UNC45A: variants seen among roughly 807,000 people sequenced by gnomAD.
UNC45A encodes the protein protein unc-45 homolog A.
A neutral mutation model predicts 103.2 loss-of-function variants in UNC45A; 78 were observed. The ratio of observed to expected loss-of-function variants is 0.76; its 90% CI spans 0.63 to 0.91. The LOEUF is 0.91. UNC45A is among the 40% of genes least tolerant of loss of function. The probability of loss-of-function intolerance (pLI) is 0.00; values close to 1 mark genes in which losing one functional copy is unlikely to be tolerated. For missense variants in UNC45A, 1,193 were observed against 1,224.8 expected, an observed-to-expected ratio of 0.97 and a Z score of 0.39; for synonymous variants, 495 against 504.6, an observed-to-expected ratio of 0.98 and a Z score of 0.25.
chr15:90,947,171 A>G, intron 10 of UNC45A: 1 of 497,968 alleles, frequency 2.0e-6, no homozygotes, highest in Non-Finnish European at 3.6e-6. Flanking sequence ...TGGGCAACAC[A>G]GCAAGACCCT....
rs1369240067 is a variant in UNC45A at position 90,950,553 on chromosome 15, C to T, written c.2241C>T (p.Gly747=). ...CCCTGTTGCACCTCAACTGCTCAGG[C>T]CTGCAGAACTTCGAGGCGCTCATGG... ...LVSLLHLNCS[G]LQNFEALMAL... The change falls in exon 17 of 20, where the codon GGC becomes GGT. Residue 747 remains glycine (G), a synonymous_variant. Transcript: ENST00000418476. The T allele has an allele frequency of 1.2e-6, 2 of 1,614,198 alleles. No homozygotes were observed. Among genetic ancestry groups the T allele is most frequent in the Non-Finnish European group, 1.7e-6 (2 of 1,180,028 alleles).
chr15:90,936,043 G>T, intron 3 of UNC45A, 61 bp downstream of exon 3: 2 of 1,607,410 alleles, frequency 1.2e-6, no homozygotes, highest in Non-Finnish European at 1.7e-6. Context: ...CAAGGACTCT[G>T]GGACCGCTGC....
chr15:90,932,056 T>C (rs1212362100), upstream of UNC45A: 3 of 1,613,332 alleles, frequency 1.9e-6, no homozygotes, highest in Non-Finnish European at 2.5e-6. Context: ...GAAAGTTACC[T>C]GTAACACCAC....
At chr15:90,942,826 T>C in intron 7 of UNC45A, 86 bp from the exon 8 acceptor site, 2 of 1,527,258 alleles carry the variant, frequency 1.3e-6, no homozygotes, top group Non-Finnish European at 1.8e-6. Context: ...CCCTTCCCTG[T>C]GTCTCCCTGG....
At chr15:90,950,349 C>A in intron 16 of UNC45A, 82 bp downstream of exon 16, 1 of 1,500,244 alleles carries the variant, frequency 6.7e-7, no homozygotes, top group South Asian at 1.2e-5. Context: ...CCTTTGGGAC[C>A]AGCAGGAAGT....
At position 90,953,574 on chromosome 15, in the gene UNC45A, G is replaced by A. The variant is rs753030599; in HGVS notation, c.2693G>A (p.Ser898Asn). 1.2e-6 allele frequency: 2 copies of A among 1,614,180 alleles called. No homozygotes were observed. The highest frequency in any genetic ancestry group is 1.3e-5 in the African/African-American group (1 of 75,068). ...GTGGAGGCCTCGAGGGAGATTGCCA[G>A]CACCCTGATGGAGAGTGAGATGATG... ...NMVEASREIA[S>N]TLMESEMMEI... The change falls in exon 20 of 20, where the codon AGC (serine) becomes AAC (asparagine). Residue 898 changes from serine to asparagine, a missense_variant. Coordinates refer to ENST00000418476, the MANE Select transcript of UNC45A (RefSeq NM_018671.5).
chr15:90,948,340 C>T (rs746336674), intron 12 of UNC45A, 57 bp downstream of exon 12: 17 of 1,599,428 alleles, frequency 1.1e-5, no homozygotes, highest in Non-Finnish European at 1.4e-5. Flanking sequence ...TAGACCTTAC[C>T]AGGCTTTCTC....
intron 12 of UNC45A, 159 bp from the exon 13 acceptor site, chr15:90,948,495 T>A (rs533544801): frequency 7.5e-7 from 1 of 1,336,668 alleles, no homozygotes; most frequent in Non-Finnish European, 1.0e-6. Flanking sequence ...AGGTCAAGTT[T>A]GTAAGCTCCC....
chr15:90,948,875 CT>C (rs5814443), intron 13 of UNC45A, 81 bp downstream of exon 13: 172,489 of 975,976 alleles, frequency 0.18, 805 homozygotes, highest in East Asian at 0.29. Context: ...AACAACCTCC[CT>C]TTTTTTTTTT....
intron 3 of UNC45A, 86 bp downstream of exon 3, chr15:90,936,068 C>T: frequency 6.3e-7 from 1 of 1,585,130 alleles, no homozygotes; most frequent in Non-Finnish European, 8.6e-7. Flanking sequence ...TCACATTCTC[C>T]TCCTTTGGCC....
rs779289912 is a variant in UNC45A at position 90,935,741 on chromosome 15, G to A, written c.213+36G>A. 46 of 1,532,096 alleles carry A rather than the reference G, an allele frequency of 3.0e-5. No homozygotes were observed. The Middle Eastern group carries it at 6.4e-4, about 21-fold the overall frequency. The allele number at this position is 1,532,096 out of a possible 1,614,324, so 94.9% of individuals were successfully genotyped here. ...CTGGCGCTCTTCCCCTCGCCCGCCCGGGCCCCGGTTCGCCCATCTAAGCTG... is the reference window on the plus strand; with the variant it reads ...CTGGCGCTCTTCCCCTCGCCCGCCCAGGCCCCGGTTCGCCCATCTAAGCTG... On this transcript the variant is annotated intron_variant, in intron 2 of 19. Transcript: ENST00000418476.
At chr15:90,952,871 G>T in intron 17 of UNC45A, 58 bp from the exon 18 acceptor site, 1 of 1,512,570 alleles carries the variant, frequency 6.6e-7, no homozygotes, top group Non-Finnish European at 9.0e-7. Context: ...TCAACATGAG[G>T]GTTAGAAGGG....
At chr15:90,948,632 G>C in intron 12 of UNC45A, 22 bp from the exon 13 acceptor site, 1 of 1,611,576 alleles carries the variant, frequency 6.2e-7, no homozygotes, top group Admixed American at 1.7e-5. Context: ...ATGCCCATGT[G>C]AATTCCTCTG....
Position 90,944,947 on chromosome 15 carries a change from C to T in UNC45A, c.1083C>T (p.Leu361=), listed in dbSNP as rs888275494. 18 of 1,612,438 alleles carry T rather than the reference C, an allele frequency of 1.1e-5. No individual in the cohort carries two copies. The highest frequency in any genetic ancestry group is 5.5e-5 in the South Asian group (5 of 91,008). ...CTCTACAGGACCCTCCTGGGGAGCT[C>T]GCAGTGACCGCAAACAGCCGCATGA... is the stretch of plus-strand genomic sequence containing the variant. The part of the protein sequence containing the change: ...GGSLQDPPGE[L]AVTANSRMSA... Residue 361 remains leucine (L), a synonymous_variant, in exon 9 of 20, where the codon CTC becomes CTT. Coordinates refer to ENST00000418476, the MANE Select transcript of UNC45A (RefSeq NM_018671.5).
At chr15:90,934,997 T>C, upstream of UNC45A, 1 of 533,608 alleles carries the variant, frequency 1.9e-6, no homozygotes, top group Non-Finnish European at 3.3e-6. Flanking sequence ...GTTGTGACCC[T>C]GATGACCGTA....
chr15:90,930,994 AG>A, upstream of UNC45A: 1 of 417,046 alleles, frequency 2.4e-6, no homozygotes, highest in Non-Finnish European at 4.4e-6. Context: ...CAAGTCCCTG[AG>A]GGGCCAGAGA....
upstream of UNC45A, chr15:90,931,375 A>G (rs1324002141): frequency 6.4e-7 from 1 of 1,559,974 alleles, no homozygotes; most frequent in Non-Finnish European, 8.7e-7. Flanking sequence ...TGCCCACTCG[A>G]AGTATTCCTG....
Position 90,947,817 on chromosome 15 carries a change from G to A in UNC45A, c.1522G>A (p.Ala508Thr). 6.2e-7 allele frequency: 1 copy of A among 1,614,146 alleles called. No individual in the cohort carries two copies. The highest frequency in any genetic ancestry group is 8.5e-7 in the Non-Finnish European group (1 of 1,180,016). ...ALVGLCKLGS[A>T]GGTDFSMKQF... ...CCAGGGACTCTGTAAGCTCGGTTCG[G>A]CTGGAGGGACTGACTTCAGCATGAA... The change falls in exon 11 of 20, where the codon GCT (alanine) becomes ACT (threonine). Residue 508 changes from alanine (A) to threonine (T), a missense_variant. By Grantham distance (58) the Ala-to-Thr change is moderately conservative. Transcript: ENST00000418476.
At position 90,947,041 on chromosome 15, in the gene UNC45A, T is replaced by G. The variant is rs970504819; in HGVS notation, c.1500+127T>G. 3.4e-6 allele frequency: 4 copies of G among 1,161,250 alleles called. No individual in the cohort carries two copies. The South Asian group carries it at 6.2e-5, about 18-fold the overall frequency. The allele number at this position is 1,161,250 out of a possible 1,614,324, so 71.9% of individuals were successfully genotyped here. ...AGGAATACTGTAATGCCAAAAAAATTAGCTAGGCTTGGTGGTGCATGCCTA... is the reference window on the plus strand; with the variant it reads ...AGGAATACTGTAATGCCAAAAAAATGAGCTAGGCTTGGTGGTGCATGCCTA... On this transcript the variant is annotated intron_variant, in intron 10 of 19. Coordinates refer to ENST00000418476, the MANE Select transcript of UNC45A (RefSeq NM_018671.5).
Sources: gnomAD v4.1 joint callset for allele counts on GRCh38, gnomAD v4.1.1 for gene constraint, MANE v1.5 for transcripts, NCBI Gene and HGNC (gene_info 2026-07-23, HGNC 2026-07-21) for gene names.